GMPS: variants seen among roughly 807,000 people sequenced by gnomAD.
The protein encoded by GMPS is guanosine monophosphate synthase.
A neutral mutation model predicts 77.9 loss-of-function variants in GMPS; 15 were observed. That is an observed-to-expected ratio of 0.19 (90% CI 0.13 to 0.30). The LOEUF is 0.30. Among genes scored for constraint, GMPS ranks in the 10% least tolerant of loss-of-function variants. GMPS has a pLI of 1.00. For synonymous variants in GMPS, 224 were observed against 275.9 expected (o/e 0.81, Z 1.86); for missense variants, 590 against 838.8 (o/e 0.70, Z 3.66).
In GMPS at chr3:155,938,936, A is replaced by C; in HGVS notation, c.*1244A>C. On this transcript the variant is annotated 3_prime_UTR_variant, in exon 16 of 16. Transcript: ENST00000496455. ...AAGAATGTTACCATATTTTTCTCTT[A>C]ACAATTCCATCTCAGGTTGCTGCTG... The C allele has an allele frequency of 4.6e-6, 1 of 217,164 alleles. No homozygotes were observed. Among genetic ancestry groups the C allele is most frequent in the Admixed American group, 5.8e-5 (1 of 17,228 alleles). 13.5% of individuals were successfully genotyped at this position (217,164 alleles called of 1,614,324 possible). A position where few individuals can be genotyped will look rare whatever the true frequency, so the allele number is the denominator to read the frequency against.
At chr3:155,890,669 G>A (rs1196178256) in intron 1 of GMPS, among the ~76,000 whole-genome samples, 1 of 152,170 alleles carries the variant, frequency 6.6e-6, no homozygotes, top group East Asian at 1.9e-4. Context: ...ATCTCCTAGA[G>A]TTGCTTTAAT....
chr3:155,922,591 A>G (rs1439819038), intron 11 of GMPS, among the ~76,000 whole-genome samples: 1 of 152,200 alleles, frequency 6.6e-6, no homozygotes, highest in Non-Finnish European at 1.5e-5. Context: ...TCAGGAATTT[A>G]TTGGGAGCAT....
chr3:155,936,382 T>C lies in GMPS; in HGVS notation c.1852T>C (p.Leu618=), dbSNP rs778610575. The stretch of plus-strand genomic sequence containing the variant: ...CCAGATGCCGGTGATTTTGACACCA[T>C]TACATTTTGATCGGGACCCACTTCA... ...ISQMPVILTP[L]HFDRDPLQKQ... is the part of the protein sequence containing the mutation. Residue 618 remains leucine (L), a synonymous_variant, in exon 15 of 16, where the codon TTA becomes CTA. Coordinates refer to ENST00000496455, the MANE Select transcript of GMPS (RefSeq NM_003875.3). 1 of 1,610,710 alleles carries C rather than the reference T, an allele frequency of 6.2e-7. No individual in the cohort carries two copies. The highest frequency in any genetic ancestry group is 1.3e-5 in the African/African-American group (1 of 74,828).
At chr3:155,924,256 A>C (rs1755397100) in intron 11 of GMPS, among the ~76,000 whole-genome samples, 1 of 152,256 alleles carries the variant, frequency 6.6e-6, no homozygotes, top group Non-Finnish European at 1.5e-5. Context: ...ACAAGAAGGA[A>C]TGCTAAGCAA....
rs375388679 is a variant in GMPS, at chr3:155,914,977, C to T, written c.1038+407C>T. On this transcript the variant is annotated intron_variant, in intron 8 of 15. Coordinates refer to ENST00000496455, the MANE Select transcript of GMPS (RefSeq NM_003875.3). ...AGAGACGGGGGTTTCACCATGTTGG[C>T]CAGGTTGGTCCGGATCTCCTGACCT... 4.3e-3 allele frequency among the ~76,000 whole-genome samples: 653 copies of T among 151,816 alleles called. 3 individuals are homozygous for T. Among genetic ancestry groups the T allele is most frequent in the Middle Eastern group, 0.041 (12 of 294 alleles).
At chr3:155,884,320 AG>A (rs1457269272) in intron 1 of GMPS, among the ~76,000 whole-genome samples, 1 of 150,236 alleles carries the variant, frequency 6.7e-6, no homozygotes, top group African/African-American at 2.4e-5. Flanking sequence ...TGGGAGGCAG[AG>A]GTTGCAGTGA....
At chr3:155,908,198 G>A (rs1754942651) in intron 5 of GMPS, among the ~76,000 whole-genome samples, 1 of 152,202 alleles carries the variant, frequency 6.6e-6, no homozygotes, top group South Asian at 2.1e-4. Flanking sequence ...GATAGATGCA[G>A]GAGGAAGATA....
chr3:155,881,146 A>C (rs373988851), intron 1 of GMPS, among the ~76,000 whole-genome samples: 1 of 143,778 alleles, frequency 7.0e-6, no homozygotes, highest in Non-Finnish European at 1.5e-5. Context: ...AGAGCCTGCT[A>C]TGGATGCTTT....
At position 155,886,611 on chromosome 3, in the gene GMPS, C is replaced by CTTTT. The variant is rs58367815; in HGVS notation, c.28-6883_28-6880dup. ...AATCTAGCATGTCTATTCCTGATGA[C>CTTTT]TTTTTTTTTTTTTTTTTTTTTTTTT... is the stretch of plus-strand genomic sequence containing the variant. On this transcript the variant is annotated intron_variant, in intron 1 of 15. Transcript: ENST00000496455. 2.6e-3 allele frequency among the ~76,000 whole-genome samples: 201 copies of CTTTT among 78,046 alleles called. 13 individuals carry two copies. The highest frequency in any genetic ancestry group is 0.01 in the African/African-American group (189 of 18,654). 51.2% of individuals were successfully genotyped at this position (78,046 alleles called of 152,430 possible). A position where few individuals can be genotyped will look rare whatever the true frequency, so the allele number is the denominator to read the frequency against.
intron 12 of GMPS, among the ~76,000 whole-genome samples, chr3:155,930,914 T>C (rs1227033834): frequency 2.0e-5 from 3 of 152,112 alleles, no homozygotes; most frequent in Non-Finnish European, 2.9e-5. Flanking sequence ...CTCGACCTCG[T>C]TGGGCTCAGG....
At chr3:155,909,447 C>T (rs1323952513) in intron 5 of GMPS, among the ~76,000 whole-genome samples, 4 of 152,168 alleles carry the variant, frequency 2.6e-5, no homozygotes, top group African/African-American at 9.7e-5. Flanking sequence ...ACTAGATAGA[C>T]AAGGCAACTG....
rs914774336 is a variant in GMPS, at chr3:155,942,866, G to C, written c.*5174G>C. ...TTGGGTATTATTCTTTAGAGAACTAGAGATTACCTAGCTGCAACCTAAGTT... is the reference window on the plus strand; with the variant it reads ...TTGGGTATTATTCTTTAGAGAACTACAGATTACCTAGCTGCAACCTAAGTT... On this transcript the variant is annotated 3_prime_UTR_variant, in exon 16 of 16. Coordinates refer to ENST00000496455, the MANE Select transcript of GMPS (RefSeq NM_003875.3). The C allele has an allele frequency of 9.6e-6, 2 of 207,614 alleles. No individual in the cohort carries two copies. The highest frequency in any genetic ancestry group is 4.6e-5 in the African/African-American group (2 of 43,894). The allele number at this position is 207,614 out of a possible 1,614,324, so 12.9% of individuals were successfully genotyped here.
chr3:155,886,347 G>A (rs557827678), intron 1 of GMPS, among the ~76,000 whole-genome samples: 22 of 150,916 alleles, frequency 1.5e-4, no homozygotes, highest in African/African-American at 4.4e-4. Flanking sequence ...AGGCCGAGGC[G>A]GGTGGATCAT....
In GMPS at chr3:155,940,786, C is replaced by A. The variant is rs867377790; in HGVS notation, c.*3094C>A. 127 of 200,972 alleles carry A rather than the reference C, an allele frequency of 6.3e-4. No homozygotes were observed. Among genetic ancestry groups the A allele is most frequent in the African/African-American group, 2.8e-3 (116 of 40,954 alleles). The allele number at this position is 200,972 out of a possible 1,614,324, so 12.4% of individuals were successfully genotyped here. A position where few individuals can be genotyped will look rare whatever the true frequency, so the allele number is the denominator to read the frequency against. On this transcript the variant is annotated 3_prime_UTR_variant, in exon 16 of 16. Coordinates refer to ENST00000496455, the MANE Select transcript of GMPS (RefSeq NM_003875.3). Reference sequence around the variant, plus strand: ...GGTTCTTTTATCATCAGATATGACACAAAGGGAAACATCAAAATGCACCGT... The same window carrying A: ...GGTTCTTTTATCATCAGATATGACAAAAAGGGAAACATCAAAATGCACCGT...
intron 1 of GMPS, among the ~76,000 whole-genome samples, chr3:155,871,447 C>G (rs575673906): frequency 6.6e-6 from 1 of 152,336 alleles, no homozygotes; most frequent in South Asian, 2.1e-4. Context: ...CCATTCCCCC[C>G]GCCAGCCTTG....
chr3:155,904,184 C>T (rs891382309), intron 4 of GMPS, among the ~76,000 whole-genome samples: 4 of 152,024 alleles, frequency 2.6e-5, no homozygotes, highest in Admixed American at 6.6e-5. Flanking sequence ...AATTTGAAAA[C>T]GCCTGTGCAG....
At chr3:155,893,728 G>A (rs751720336) in intron 2 of GMPS, 29 bp downstream of exon 2, 17 of 1,286,324 alleles carry the variant, frequency 1.3e-5, no homozygotes, top group Middle Eastern at 3.9e-4. Flanking sequence ...TTTTCATGAG[G>A]AGATTGAACT....
At position 155,897,969 on chromosome 3, in the gene GMPS, A is replaced by G; in HGVS notation, c.252A>G (p.Glu84=). ...ISGGPNSVYA[E]DAPWFDPAIF... is the part of the protein sequence containing the mutation. The stretch of plus-strand genomic sequence containing the variant: ...GAGGACCTAATTCTGTGTATGCTGA[A>G]GATGCTCCCTGGTTTGATCCAGCAA... Residue 84 remains glutamate, a synonymous_variant, in exon 3 of 16, where the codon GAA becomes GAG. Transcript: ENST00000496455. 6.2e-7 allele frequency: 1 copy of G among 1,609,278 alleles called. No homozygotes were observed. The highest frequency in any genetic ancestry group is 8.5e-7 in the Non-Finnish European group (1 of 1,175,590).
chr3:155,908,009 T>C (rs1754935135), intron 5 of GMPS, among the ~76,000 whole-genome samples: 2 of 151,948 alleles, frequency 1.3e-5, no homozygotes, highest in African/African-American at 4.8e-5. Flanking sequence ...GCCACTGCAA[T>C]ACTTTGGCTT....
Sources: gnomAD v4.1 joint callset for allele counts (sites outside exome capture counted in the v4.1 genomes callset) on GRCh38, gnomAD v4.1.1 for gene constraint, MANE v1.5 for transcripts, NCBI Gene and HGNC (gene_info 2026-07-23, HGNC 2026-07-21) for gene names.